The following IGF2R variants were observed in gnomAD, a reference collection of about 807,000 sequenced individuals.
IGF2R encodes insulin like growth factor 2 receptor, also known as cation-independent mannose-6-phosphate receptor.
Under a neutral mutation model 270.6 loss-of-function variants are expected in IGF2R, and 91 were observed. That is an observed-to-expected ratio of 0.34 (90% CI 0.28 to 0.40). The LOEUF (loss-of-function observed/expected upper bound fraction) is 0.40. Among genes scored for constraint, IGF2R ranks in the 10% least tolerant of loss-of-function variants. The probability of loss-of-function intolerance (pLI) is 1.00; values close to 1 mark genes in which losing one functional copy is unlikely to be tolerated. For missense variants in IGF2R, 2,805 were observed against 3,188.3 expected, an observed-to-expected ratio of 0.88 and a Z score of 2.90; for synonymous variants, 1,316 against 1,258.9, an observed-to-expected ratio of 1.05 and a Z score of -0.96.
chr6:160,057,986 T>G (rs1325902104), intron 20 of IGF2R, 37 bp from the exon 21 acceptor site: 1 of 1,330,186 alleles, frequency 7.5e-7, no homozygotes, highest in Non-Finnish European at 1.1e-6. Flanking sequence ...GGAATTGGTT[T>G]GAATGCGCCC....
At chr6:160,087,836 C>T (rs1023037927) in intron 41 of IGF2R, among the ~76,000 whole-genome samples, 197 bp from the exon 42 acceptor site, 73 of 152,134 alleles carry the variant, frequency 4.8e-4, no homozygotes, top group African/African-American at 1.4e-3. Context: ...CCACCGTGCC[C>T]GAATAATTTT....
At chr6:160,048,053 T>G (rs1418536303) in intron 17 of IGF2R, 146 bp downstream of exon 17, 1 of 679,254 alleles carries the variant, frequency 1.5e-6, no homozygotes, top group Non-Finnish European at 2.6e-6. Context: ...TTCAGCAGAG[T>G]GAATTCTAAT....
chr6:160,094,314 C>T (rs1779298607), intron 44 of IGF2R: 2 of 266,158 alleles, frequency 7.5e-6, no homozygotes. Context: ...ATAGGGAATC[C>T]TGCCGAGGAA....
Position 160,047,253 on chromosome 6 carries a change from A to G in IGF2R, c.2146A>G (p.Asn716Asp). The change falls in exon 16 of 48, where the codon AAC (asparagine) becomes GAC (aspartate). Residue 716 changes from asparagine to aspartate, a missense_variant. Asn to Asp is a conservative substitution (Grantham distance 23). Around this residue, in one of 2 missense-constraint regions of IGF2R, gnomAD observed 954 missense variants for 981.1 expected, o/e 0.97. Coordinates refer to ENST00000356956, the MANE Select transcript of IGF2R (RefSeq NM_000876.4). ...QLNYRGGTPY[N>D]NERHTPRATL... ...GAACTACAGAGGCGGCACACCCTAT[A>G]ACAATGAAAGACACACACCGAGAGC... 1 of 1,613,252 alleles carries G rather than the reference A, an allele frequency of 6.2e-7. No homozygotes were observed. Among genetic ancestry groups the G allele is most frequent in the Non-Finnish European group, 8.5e-7 (1 of 1,179,758 alleles).
chr6:160,057,170 C>T (rs1455331706), intron 20 of IGF2R, among the ~76,000 whole-genome samples: 1 of 152,166 alleles, frequency 6.6e-6, no homozygotes, highest in Non-Finnish European at 1.5e-5. Flanking sequence ...GTGCAGAGCC[C>T]ACAGGTGTTA....
At chr6:160,008,491 T>C (rs1006328315) in intron 2 of IGF2R, among the ~76,000 whole-genome samples, 1 of 152,222 alleles carries the variant, frequency 6.6e-6, no homozygotes, top group Non-Finnish European at 1.5e-5. Flanking sequence ...AGTAATGTCC[T>C]GGACAAGCAG....
intron 45 of IGF2R, among the ~76,000 whole-genome samples, chr6:160,099,985 A>G: frequency 6.6e-6 from 1 of 152,260 alleles, no homozygotes; most frequent in Non-Finnish European, 1.5e-5. Context: ...CAGTATTTTA[A>G]GAATAACCAC....
chr6:160,106,048 A>T lies in IGF2R; in HGVS notation c.*964A>T, dbSNP rs576586533. ...CTTTACTGTGCTTATTTTTTTAAGAAAAAAGTGTTGATCAACCATTCGACC... is the reference window on the plus strand; with the variant it reads ...CTTTACTGTGCTTATTTTTTTAAGATAAAAGTGTTGATCAACCATTCGACC... On this transcript the variant is annotated 3_prime_UTR_variant, in exon 48 of 48. Coordinates refer to ENST00000356956, the MANE Select transcript of IGF2R (RefSeq NM_000876.4). 3 of 152,606 alleles carry T rather than the reference A, an allele frequency of 2.0e-5. No individual in the cohort carries two copies. The highest frequency in any genetic ancestry group is 7.2e-5 in the African/African-American group (3 of 41,558). 9.5% of individuals were successfully genotyped at this position (152,606 alleles called of 1,614,324 possible).
chr6:160,073,538 G>T, intron 34 of IGF2R, 69 bp downstream of exon 34: 2 of 1,560,200 alleles, frequency 1.3e-6, no homozygotes, highest in Non-Finnish European at 1.7e-6. Context: ...CCCTTCGTCA[G>T]GTTCACTTGC....
At chr6:159,977,635 G>A (rs1210595090) in intron 1 of IGF2R, among the ~76,000 whole-genome samples, 4 of 152,190 alleles carry the variant, frequency 2.6e-5, no homozygotes, top group African/African-American at 9.7e-5. Flanking sequence ...AAGAGGGGTG[G>A]GACTTAGTTT....
chr6:159,988,088 A>G (rs1392894868), intron 1 of IGF2R, among the ~76,000 whole-genome samples: 1 of 152,150 alleles, frequency 6.6e-6, no homozygotes, highest in Non-Finnish European at 1.5e-5. Flanking sequence ...CTTTCTAGCA[A>G]CCCTGATTTC....
At chr6:160,030,018 A>T (rs1777659819) in intron 7 of IGF2R, among the ~76,000 whole-genome samples, 1 of 152,096 alleles carries the variant, frequency 6.6e-6, no homozygotes, top group Admixed American at 6.5e-5. Context: ...ACGAAGTAGA[A>T]TTTCAAGCCT....
Position 160,102,744 on chromosome 6 carries a change from T to C in IGF2R, c.6995+73T>C, listed in dbSNP as rs537571677. 6.1e-6 allele frequency: 9 copies of C among 1,474,464 alleles called. No homozygotes were observed. The highest frequency in any genetic ancestry group is 8.2e-6 in the Non-Finnish European group (9 of 1,092,566). 91.3% of individuals were successfully genotyped at this position (1,474,464 alleles called of 1,614,324 possible). ...ATAGCTAATCTTGGGGTCAGTTTTG[T>C]GGGGTTTTATTTATTTGTTTTTAAG... On this transcript the variant is annotated intron_variant, in intron 46 of 47. Coordinates refer to ENST00000356956, the MANE Select transcript of IGF2R (RefSeq NM_000876.4). This position sits in a 1 kb window ranked among gnomAD's most constrained non-coding sequence, Gnocchi z 4.5.
At chr6:159,972,872 C>G (rs1036662596) in intron 1 of IGF2R, among the ~76,000 whole-genome samples, 4 of 151,830 alleles carry the variant, frequency 2.6e-5, no homozygotes, top group Non-Finnish European at 5.9e-5. Context: ...TGAAGCAGCG[C>G]TTTAAATAAG....
chr6:160,077,402 T>A (rs538816447), intron 36 of IGF2R, among the ~76,000 whole-genome samples: 17 of 152,252 alleles, frequency 1.1e-4, no homozygotes, highest in Admixed American at 1.1e-3. Flanking sequence ...TCATGAGTGA[T>A]GCTTTGTTAT....
chr6:160,079,937 C>T, intron 38 of IGF2R, 150 bp downstream of exon 38: 2 of 985,718 alleles, frequency 2.0e-6, no homozygotes, highest in African/African-American at 1.6e-5. Flanking sequence ...TCTGTACACC[C>T]CCGGTGTGAA....
Position 160,060,730 on chromosome 6 carries a change from G to T in IGF2R, c.3262+13G>T. The T allele has an allele frequency of 6.2e-7, 1 of 1,614,002 alleles. No homozygotes were observed. The highest frequency in any genetic ancestry group is 1.1e-5 in the South Asian group (1 of 91,078). On this transcript the variant is annotated intron_variant, in intron 23 of 47. Transcript: ENST00000356956. ...TGCCAAGTCACCGGTAAGGCCGTGC[G>T]GCCTAAGAACTGAGAGGCCGGTCAA... is the stretch of plus-strand genomic sequence containing the variant.
intron 43 of IGF2R, 75 bp from the exon 44 acceptor site, chr6:160,089,841 G>A: frequency 1.9e-6 from 2 of 1,056,452 alleles, no homozygotes; most frequent in Non-Finnish European, 2.7e-6. Flanking sequence ...CAGTGATTCT[G>A]AGGACTGAGG....
intron 4 of IGF2R, among the ~76,000 whole-genome samples, chr6:160,012,761 ATATTTT>A (rs1337369635): frequency 8.3e-5 from 6 of 72,594 alleles, no homozygotes; most frequent in African/African-American, 2.9e-4. Flanking sequence ...ATATATATAT[ATATTTT>A]TTTTTTTTTT....
Sources: gnomAD v4.1 joint callset for allele counts (sites outside exome capture counted in the v4.1 genomes callset) on GRCh38, gnomAD v4.1.1 for gene constraint, gnomAD v4.1.1 regional missense constraint, Gnocchi (gnomAD v3.1) non-coding constraint, MANE v1.5 for transcripts, NCBI Gene and HGNC (gene_info 2026-07-23, HGNC 2026-07-21) for gene names.